Variants in IRX5 observed in about 807,000 individuals in gnomAD.
IRX5 encodes the protein iroquois homeobox 5.
In IRX5, 8 loss-of-function variants were observed where a neutral mutation model predicts 37.6. The observed-to-expected ratio is 0.21, with a 90% CI of 0.12 to 0.38. The LOEUF is 0.38. Among genes scored for constraint, IRX5 ranks in the 10% least tolerant of loss-of-function variants. IRX5 has a pLI of 1.00. For missense variants in IRX5, 635 were observed against 695.2 expected (o/e 0.91, Z 0.97); for synonymous variants, 359 against 328.6 (o/e 1.09, Z -1.00).
At chr16:54,931,469 C>A (rs1409916862) in intron 1 of IRX5, 22 bp downstream of exon 1, 2 of 1,537,876 alleles carry the variant, frequency 1.3e-6, no homozygotes, top group East Asian at 2.4e-5. Context: ...GGATCCGCGG[C>A]GGGCGAGGGG....
In IRX5 at chr16:54,932,022, G is replaced by A; in HGVS notation, c.250-476G>A. 3 of 699,776 alleles carry A rather than the reference G, an allele frequency of 4.3e-6. No homozygotes were observed. Among genetic ancestry groups the A allele is most frequent in the Non-Finnish European group, 7.8e-6 (3 of 383,178 alleles). The allele number at this position is 699,776 out of a possible 1,614,324, so 43.3% of individuals were successfully genotyped here. On this transcript the variant is annotated intron_variant, in intron 1 of 2. Transcript: ENST00000394636. The surrounding 1 kb of genome is among the most constrained non-coding windows in gnomAD (Gnocchi z 6.7). Reference sequence around the variant, plus strand: ...ATTTTTGGAGGGTGGGAGTGCGTGGGCATGGCTCAGCTTTTTGTTTGCATT... The same window carrying A: ...ATTTTTGGAGGGTGGGAGTGCGTGGACATGGCTCAGCTTTTTGTTTGCATT...
In IRX5 at chr16:54,932,596, C is replaced by T. The variant is rs1963912593; in HGVS notation, c.348C>T (p.Tyr116=). 3 of 1,613,980 alleles carry T rather than the reference C, an allele frequency of 1.9e-6. No individual in the cohort carries two copies. Among genetic ancestry groups the T allele is most frequent in the Non-Finnish European group, 2.5e-6 (3 of 1,180,030 alleles). ...LGSYPYGDPA[Y]RKNATRDATA... is the part of the protein sequence containing the mutation. ...CGTACCCTTACGGGGACCCAGCGTA[C>T]CGGAAGAACGCCACAAGGGACGCCA... Residue 116 remains tyrosine (Y), a synonymous_variant, in exon 2 of 3, where the codon TAC becomes TAT. Transcript: ENST00000394636. The surrounding 1 kb of genome is among the most constrained non-coding windows in gnomAD (Gnocchi z 6.7).
rs1253395689 is a variant in IRX5, at chr16:54,933,222, C to A, written c.801C>A (p.Pro267=). The A allele has an allele frequency of 6.7e-7, 1 of 1,494,078 alleles. No homozygotes were observed. Among genetic ancestry groups the A allele is most frequent in the South Asian group, 1.2e-5 (1 of 80,492 alleles). 92.6% of individuals were successfully genotyped at this position (1,494,078 alleles called of 1,614,324 possible). Reference sequence around the variant, plus strand: ...GCCGCCTCGACGCGCTGCAGGGCCCCCCCCGCACCGGCGGGCCCTCCCCGG... The same window carrying A: ...GCCGCCTCGACGCGCTGCAGGGCCCACCCCGCACCGGCGGGCCCTCCCCGG... ...SEGRLDALQG[P]PRTGGPSPAG... The change falls in exon 3 of 3, where the codon CCC becomes CCA. Residue 267 remains proline, a synonymous_variant. Transcript: ENST00000394636.
chr16:54,932,593 G>C lies in IRX5; in HGVS notation c.345G>C (p.Ala115=). 6.2e-7 allele frequency: 1 copy of C among 1,614,042 alleles called. No individual in the cohort carries two copies. The highest frequency in any genetic ancestry group is 2.2e-5 in the East Asian group (1 of 44,832). Reference sequence around the variant, plus strand: ...GATCGTACCCTTACGGGGACCCAGCGTACCGGAAGAACGCCACAAGGGACG... The same window carrying C: ...GATCGTACCCTTACGGGGACCCAGCCTACCGGAAGAACGCCACAAGGGACG... ...PLGSYPYGDP[A]YRKNATRDAT... Residue 115 remains alanine (A), a synonymous_variant, in exon 2 of 3, where the codon GCG becomes GCC. Coordinates refer to ENST00000394636, the MANE Select transcript of IRX5 (RefSeq NM_005853.6). The surrounding 1 kb of genome is among the most constrained non-coding windows in gnomAD (Gnocchi z 6.7).
At position 54,932,411 on chromosome 16, in the gene IRX5, G is replaced by T. The variant is rs1420061443; in HGVS notation, c.250-87G>T. ...CGGGCCTCGTCCACCCACAGACCCC[G>T]GGGAGCGCAGGGAAAAGGGTGCTTC... On this transcript the variant is annotated intron_variant, in intron 1 of 2. Transcript: ENST00000394636. This position sits in a 1 kb window ranked among gnomAD's most constrained non-coding sequence, Gnocchi z 6.7. 6 of 1,460,734 alleles carry T rather than the reference G, an allele frequency of 4.1e-6. No homozygotes were observed. The highest frequency in any genetic ancestry group is 5.5e-6 in the Non-Finnish European group (6 of 1,088,280). The allele number at this position is 1,460,734 out of a possible 1,614,324, so 90.5% of individuals were successfully genotyped here.
In IRX5 at chr16:54,933,945, CGAGA is replaced by C. The variant is rs758208902; in HGVS notation, c.*81_*84del. Reference sequence around the variant, plus strand: ...GCCTTGGCAGTTATTTTTCCATCACCGAGAGAGAGAGACAGAGAGAGAAAATAAA... The same window carrying C: ...GCCTTGGCAGTTATTTTTCCATCACCGAGAGAGACAGAGAGAGAAAATAAA... On this transcript the variant is annotated 3_prime_UTR_variant, in exon 3 of 3. Transcript: ENST00000394636. The C allele has an allele frequency of 2.1e-5, 29 of 1,410,258 alleles. No individual in the cohort carries two copies. The highest frequency in any genetic ancestry group is 2.5e-5 in the Non-Finnish European group (26 of 1,060,920). The allele number at this position is 1,410,258 out of a possible 1,614,324, so 87.4% of individuals were successfully genotyped here.
rs1342557582 is a variant in IRX5 at position 54,933,981 on chromosome 16, C to T, written c.*108C>T. Reference sequence around the variant, plus strand: ...GACAGAGAGAGAAAATAAACTACCCCTCCTATTCAGAAGTTTATAGTTTAT... The same window carrying T: ...GACAGAGAGAGAAAATAAACTACCCTTCCTATTCAGAAGTTTATAGTTTAT... On this transcript the variant is annotated 3_prime_UTR_variant, in exon 3 of 3. Coordinates refer to ENST00000394636, the MANE Select transcript of IRX5 (RefSeq NM_005853.6). 1 of 1,151,634 alleles carries T rather than the reference C, an allele frequency of 8.7e-7. No individual in the cohort carries two copies. Among genetic ancestry groups the T allele is most frequent in the East Asian group, 2.5e-5 (1 of 40,154 alleles). The allele number at this position is 1,151,634 out of a possible 1,614,324, so 71.3% of individuals were successfully genotyped here.
rs747551051 is a variant in IRX5, at chr16:54,931,464, C to T, written c.249+17C>T. On this transcript the variant is annotated intron_variant, in intron 1 of 2. Coordinates refer to ENST00000394636, the MANE Select transcript of IRX5 (RefSeq NM_005853.6). Reference sequence around the variant, plus strand: ...TCGTACGTGGTAAGTGAGCGGGATCCGCGGCGGGCGAGGGGCAGCAGGGGC... The same window carrying T: ...TCGTACGTGGTAAGTGAGCGGGATCTGCGGCGGGCGAGGGGCAGCAGGGGC... 4.5e-6 allele frequency: 7 copies of T among 1,545,244 alleles called. No homozygotes were observed. The highest frequency in any genetic ancestry group is 2.7e-5 in the African/African-American group (2 of 72,796).
Position 54,933,362 on chromosome 16 carries a change from C to T in IRX5, c.941C>T (p.Pro314Leu). The change falls in exon 3 of 3, where the codon CCC becomes CTC. Residue 314 changes from proline (P) to leucine (L), a missense_variant. Pro to Leu is a moderately conservative substitution (Grantham distance 98). Around this residue, in one of 5 missense-constraint regions of IRX5, gnomAD observed 244 missense variants for 205.4 expected, o/e 1.19. Coordinates refer to ENST00000394636, the MANE Select transcript of IRX5 (RefSeq NM_005853.6). ...GAGGTGCCTCCGGGTCCCGGCGGGC[C>T]CTCGGTTATCCATTCGCCGCCTCCG... ...AGEVPPGPGG[P>L]SVIHSPPPPP... 1.3e-6 allele frequency: 2 copies of T among 1,514,248 alleles called. No homozygotes were observed. The highest frequency in any genetic ancestry group is 1.8e-6 in the Non-Finnish European group (2 of 1,135,916). The allele number at this position is 1,514,248 out of a possible 1,614,324, so 93.8% of individuals were successfully genotyped here.
Position 54,933,903 on chromosome 16 carries a change from A to C in IRX5, c.*30A>C, listed in dbSNP as rs181048280. 15 of 1,529,814 alleles carry C rather than the reference A, an allele frequency of 9.8e-6. No homozygotes were observed. Among genetic ancestry groups the C allele is most frequent in the Admixed American group, 4.0e-5 (2 of 50,066 alleles). The allele number at this position is 1,529,814 out of a possible 1,614,324, so 94.8% of individuals were successfully genotyped here. ...GGCTGCGTCGGTCCCGGACTTTTCT[A>C]ATTTATTAAAAACATGGCCTTGGCA... is the stretch of plus-strand genomic sequence containing the variant. On this transcript the variant is annotated 3_prime_UTR_variant, in exon 3 of 3. Coordinates refer to ENST00000394636, the MANE Select transcript of IRX5 (RefSeq NM_005853.6).
chr16:54,932,370 G>A lies in IRX5; in HGVS notation c.250-128G>A. Reference sequence around the variant, plus strand: ...GTCTGAACCCCGCCAGCCTTGCCCCGTAGGAAGCTGGAGTGCGGGCCTCGT... The same window carrying A: ...GTCTGAACCCCGCCAGCCTTGCCCCATAGGAAGCTGGAGTGCGGGCCTCGT... On this transcript the variant is annotated intron_variant, in intron 1 of 2. Transcript: ENST00000394636. This position sits in a 1 kb window ranked among gnomAD's most constrained non-coding sequence, Gnocchi z 6.7. 3.6e-6 allele frequency: 4 copies of A among 1,096,500 alleles called. No individual in the cohort carries two copies. The highest frequency in any genetic ancestry group is 3.2e-5 in the South Asian group (2 of 63,036). The allele number at this position is 1,096,500 out of a possible 1,614,324, so 67.9% of individuals were successfully genotyped here.
In IRX5 at chr16:54,932,411, G is replaced by C; in HGVS notation, c.250-87G>C. On this transcript the variant is annotated intron_variant, in intron 1 of 2. Transcript: ENST00000394636. This position sits in a 1 kb window ranked among gnomAD's most constrained non-coding sequence, Gnocchi z 6.7. ...CGGGCCTCGTCCACCCACAGACCCC[G>C]GGGAGCGCAGGGAAAAGGGTGCTTC... is the stretch of plus-strand genomic sequence containing the variant. The C allele has an allele frequency of 1.4e-6, 2 of 1,460,854 alleles. No individual in the cohort carries two copies. Among genetic ancestry groups the C allele is most frequent in the East Asian group, 2.3e-5 (1 of 43,440 alleles). The allele number at this position is 1,460,854 out of a possible 1,614,324, so 90.5% of individuals were successfully genotyped here. A position where few individuals can be genotyped will look rare whatever the true frequency, so the allele number is the denominator to read the frequency against.
At position 54,932,194 on chromosome 16, in the gene IRX5, C is replaced by T. The variant is rs923982801; in HGVS notation, c.250-304C>T. On this transcript the variant is annotated intron_variant, in intron 1 of 2. Transcript: ENST00000394636. This position sits in a 1 kb window ranked among gnomAD's most constrained non-coding sequence, Gnocchi z 6.7. ...GCATGGAGGGCCGGGCCGCCGTGGC[C>T]AGATCTGCGCACGGGGTACGGACGT... 2.8e-6 allele frequency: 2 copies of T among 702,664 alleles called. No homozygotes were observed. Among genetic ancestry groups the T allele is most frequent in the East Asian group, 2.7e-5 (1 of 37,276 alleles). 43.5% of individuals were successfully genotyped at this position (702,664 alleles called of 1,614,324 possible).
Position 54,932,225 on chromosome 16 carries a change from G to T in IRX5, c.250-273G>T, listed in dbSNP as rs891349249. 1 of 693,798 alleles carries T rather than the reference G, an allele frequency of 1.4e-6. No homozygotes were observed. The highest frequency in any genetic ancestry group is 1.8e-5 in the African/African-American group (1 of 56,832). 43.0% of individuals were successfully genotyped at this position (693,798 alleles called of 1,614,324 possible). ...TGCGCACGGGGTACGGACGTGCCCG[G>T]GCAGATGGGGGCCTACGGGGTGACA... On this transcript the variant is annotated intron_variant, in intron 1 of 2. Transcript: ENST00000394636. The surrounding 1 kb of genome is among the most constrained non-coding windows in gnomAD (Gnocchi z 6.7).
At position 54,933,506 on chromosome 16, in the gene IRX5, G is replaced by A; in HGVS notation, c.1085G>A (p.Cys362Tyr). The change falls in exon 3 of 3, where the codon TGT (cysteine) becomes TAT (tyrosine). Residue 362 changes from cysteine (C) to tyrosine (Y), a missense_variant. By Grantham distance (194) the Cys-to-Tyr change is radical. Coordinates refer to ENST00000394636, the MANE Select transcript of IRX5 (RefSeq NM_005853.6). ...AACGAGGGCTCTCCATGCCCACCGT[G>A]TCCCGGGCCCATAGCCGGGCAAGCC... ...GGNEGSPCPP[C>Y]PGPIAGQALG... The A allele has an allele frequency of 6.2e-7, 1 of 1,610,876 alleles. No homozygotes were observed. Among genetic ancestry groups the A allele is most frequent in the Non-Finnish European group, 8.5e-7 (1 of 1,178,912 alleles).
In IRX5 at chr16:54,931,432, C is replaced by T; in HGVS notation, c.234C>T (p.Ala78=). ...GADPAAAAAA[A]FSSYVGSPYD... Reference sequence around the variant, plus strand: ...ACCCCGCGGCCGCCGCCGCCGCCGCCTTCTCCTCGTACGTGGTAAGTGAGC... The same window carrying T: ...ACCCCGCGGCCGCCGCCGCCGCCGCTTTCTCCTCGTACGTGGTAAGTGAGC... The change falls in exon 1 of 3, where the codon GCC becomes GCT. Residue 78 remains alanine, a synonymous_variant. Transcript: ENST00000394636. The T allele has an allele frequency of 1.3e-6, 2 of 1,588,712 alleles. No individual in the cohort carries two copies. Among genetic ancestry groups the T allele is most frequent in the African/African-American group, 2.7e-5 (2 of 74,414 alleles).
Position 54,932,155 on chromosome 16 carries a change from C to T in IRX5, c.250-343C>T, listed in dbSNP as rs1165544392. ...CCGAGCGCGGAGTCGCCTCAGTTGCCCAGGCCTCTATCTGCATGGAGGGCC... is the reference window on the plus strand; with the variant it reads ...CCGAGCGCGGAGTCGCCTCAGTTGCTCAGGCCTCTATCTGCATGGAGGGCC... On this transcript the variant is annotated intron_variant, in intron 1 of 2. Coordinates refer to ENST00000394636, the MANE Select transcript of IRX5 (RefSeq NM_005853.6). This position sits in a 1 kb window ranked among gnomAD's most constrained non-coding sequence, Gnocchi z 6.7. The T allele has an allele frequency of 7.1e-6, 5 of 702,810 alleles. No homozygotes were observed. The highest frequency in any genetic ancestry group is 1.3e-5 in the Non-Finnish European group (5 of 384,982). 43.5% of individuals were successfully genotyped at this position (702,810 alleles called of 1,614,324 possible). A position where few individuals can be genotyped will look rare whatever the true frequency, so the allele number is the denominator to read the frequency against.
Position 54,932,243 on chromosome 16 carries a change from G to T in IRX5, c.250-255G>T. 1 of 683,296 alleles carries T rather than the reference G, an allele frequency of 1.5e-6. No individual in the cohort carries two copies. Among genetic ancestry groups the T allele is most frequent in the South Asian group, 1.5e-5 (1 of 65,960 alleles). The allele number at this position is 683,296 out of a possible 1,614,324, so 42.3% of individuals were successfully genotyped here. ...GTGCCCGGGCAGATGGGGGCCTACG[G>T]GGTGACACCGAGGCCGGGACAGCTT... On this transcript the variant is annotated intron_variant, in intron 1 of 2. Coordinates refer to ENST00000394636, the MANE Select transcript of IRX5 (RefSeq NM_005853.6). The surrounding 1 kb of genome is among the most constrained non-coding windows in gnomAD (Gnocchi z 6.7).
rs1963923298 is a variant in IRX5, at chr16:54,933,201, C to T, written c.780C>T (p.Arg260=). Residue 260 remains arginine (R), a synonymous_variant, in exon 3 of 3, where the codon CGC becomes CGT. Transcript: ENST00000394636. The stretch of plus-strand genomic sequence containing the variant: ...TTAAGGAGCCGCCCTCGGAGGGCCG[C>T]CTCGACGCGCTGCAGGGCCCCCCCC... ...SDFKEPPSEG[R]LDALQGPPRT... is the part of the protein sequence containing the mutation. 1 of 1,536,046 alleles carries T rather than the reference C, an allele frequency of 6.5e-7. No homozygotes were observed. Among genetic ancestry groups the T allele is most frequent in the East Asian group, 2.4e-5 (1 of 40,992 alleles).
Sources: allele counts gnomAD v4.1 joint callset, GRCh38; gene constraint gnomAD v4.1.1; regional missense constraint gnomAD v4.1.1; non-coding constraint Gnocchi (gnomAD v3.1); transcripts MANE v1.5; gene names NCBI Gene and HGNC (gene_info 2026-07-23, HGNC 2026-07-21).